FREM1: variants seen among roughly 807,000 people sequenced by gnomAD.
FREM1 encodes the protein FRAS1 related extracellular matrix 1.
A neutral mutation model predicts 210.1 loss-of-function variants in FREM1; 220 were observed. That is an observed-to-expected ratio of 1.05 (90% CI 0.94 to 1.17). FREM1 has a LOEUF of 1.17. FREM1 is among the 50% of genes most tolerant of loss of function. The pLI is 0.00. For synonymous variants in FREM1, 1,189 were observed against 980.2 expected, an observed-to-expected ratio of 1.21 and a Z score of -3.98; for missense variants, 3,454 against 2,675.5, an observed-to-expected ratio of 1.29 and a Z score of -6.42.
chr9:14,745,560 T>C (rs541846292), intron 35 of FREM1, among the ~76,000 whole-genome samples: 1 of 152,332 alleles, frequency 6.6e-6, no homozygotes, highest in East Asian at 1.9e-4. Context: ...TTTTTCTGAA[T>C]ATGGTTTGCT....
intron 24 of FREM1, among the ~76,000 whole-genome samples, chr9:14,777,759 T>C (rs1256518284): frequency 6.6e-6 from 1 of 152,178 alleles, no homozygotes; most frequent in Non-Finnish European, 1.5e-5. Context: ...CTTCAGGGTT[T>C]GAGCATTGAT....
intron 1 of FREM1, among the ~76,000 whole-genome samples, chr9:14,904,536 C>CTTTTTTTTTTTT (rs1554729250): frequency 1.3e-5 from 2 of 152,088 alleles, no homozygotes; most frequent in Non-Finnish European, 2.9e-5. Context: ...TTTCGCAGCA[C>CTTTTTTTTTTTT]TTTATTTTTT....
intron 35 of FREM1, 92 bp downstream of exon 35, chr9:14,746,261 G>C: frequency 1.1e-6 from 1 of 924,286 alleles, no homozygotes; most frequent in Middle Eastern, 2.4e-4. Flanking sequence ...CTCAATACTT[G>C]TTGAATGAAT....
chr9:14,854,150 T>C (rs1828287636), intron 5 of FREM1, among the ~76,000 whole-genome samples: 1 of 152,194 alleles, frequency 6.6e-6, no homozygotes, highest in African/African-American at 2.4e-5. Flanking sequence ...TAAGAATATT[T>C]TTAAGTTTAG....
At chr9:14,744,559 G>A (rs936367015) in intron 35 of FREM1, among the ~76,000 whole-genome samples, 2 of 151,882 alleles carry the variant, frequency 1.3e-5, no homozygotes, top group African/African-American at 2.4e-5. Flanking sequence ...ATTGTTGGAC[G>A]CTTCAGTATT....
rs767868154 is a variant in FREM1, at chr9:14,869,242, A to G, written c.-265T>C. On this transcript the variant is annotated splice_region_variant and 5_prime_UTR_variant, in exon 2 of 37. Coordinates refer to ENST00000380880, the MANE Select transcript of FREM1 (RefSeq NM_001379081.2). ...AATGGGCTTCCCAAGTGCTTTTCTA[A>G]TCCTGCAAATGGGAGAAGGGGTTGG... The G allele has an allele frequency of 9.8e-5, 37 of 376,738 alleles. No homozygotes were observed. The highest frequency in any genetic ancestry group is 1.5e-4 in the Non-Finnish European group (31 of 208,628). 23.3% of individuals were successfully genotyped at this position (376,738 alleles called of 1,614,324 possible).
Position 14,807,968 on chromosome 9 carries a change from T to C in FREM1, c.3060A>G (p.Val1020=). Residue 1020 remains valine, a synonymous_variant, in exon 17 of 37, where the codon GTA becomes GTG. Coordinates refer to ENST00000380880, the MANE Select transcript of FREM1 (RefSeq NM_001379081.2). The part of the protein sequence containing the change: ...VYDLNITVYP[V]DNQPPSIAIG... ...TTGCAATGGAAGGTGGCTGGTTGTC[T>C]ACTGGGTATACCGTGATGTTGAGAT... 6.2e-7 allele frequency: 1 copy of C among 1,613,652 alleles called. No homozygotes were observed. The highest frequency in any genetic ancestry group is 8.5e-7 in the Non-Finnish European group (1 of 1,179,656).
chr9:14,797,745 A>T (rs1384559589), intron 20 of FREM1, 103 bp from the exon 21 acceptor site: 34 of 981,054 alleles, frequency 3.5e-5, no homozygotes, highest in Non-Finnish European at 5.1e-5. Context: ...TATTAGCAAG[A>T]GTTCATTTAT....
At chr9:14,819,163 T>TA in intron 14 of FREM1, 71 bp downstream of exon 14, 1 of 1,100,078 alleles carries the variant, frequency 9.1e-7, no homozygotes, top group Non-Finnish European at 1.3e-6. Context: ...TTCTTTCTCT[T>TA]ACTCTGCCTC....
intron 1 of FREM1, among the ~76,000 whole-genome samples, chr9:14,885,600 T>C (rs968362794): frequency 1.3e-5 from 2 of 152,160 alleles, no homozygotes; most frequent in African/African-American, 4.8e-5. Context: ...TTTTTAATTT[T>C]CATAGGGATG....
intron 23 of FREM1, among the ~76,000 whole-genome samples, 173 bp downstream of exon 23, chr9:14,788,746 G>A (rs1850807420): frequency 6.6e-6 from 1 of 152,118 alleles, no homozygotes; most frequent in South Asian, 2.1e-4. Flanking sequence ...TAGGTCCCAG[G>A]CAAAGCAGGT....
chr9:14,894,440 C>T (rs144181931), intron 1 of FREM1, among the ~76,000 whole-genome samples: 1 of 152,288 alleles, frequency 6.6e-6, no homozygotes, highest in African/African-American at 2.4e-5. Context: ...AGCTATAGGA[C>T]TTTGACAGGT....
At chr9:14,738,966 C>T (rs934101179) in intron 36 of FREM1, among the ~76,000 whole-genome samples, 8 of 138,722 alleles carry the variant, frequency 5.8e-5, no homozygotes, top group African/African-American at 2.2e-4. Context: ...GCCAAGATTG[C>T]ACCACTCTAC....
At chr9:14,805,849 T>C (rs2133390673) in intron 18 of FREM1, among the ~76,000 whole-genome samples, 1 of 152,350 alleles carries the variant, frequency 6.6e-6, no homozygotes, top group East Asian at 1.9e-4. Flanking sequence ...TGTTTTTGCC[T>C]GAAATACAAG....
chr9:14,826,835 C>G (rs935101600), intron 10 of FREM1, among the ~76,000 whole-genome samples: 1 of 152,202 alleles, frequency 6.6e-6, no homozygotes, highest in Non-Finnish European at 1.5e-5. Flanking sequence ...CTGGAGTATA[C>G]AGCAACGAGG....
chr9:14,739,077 A>C (rs1287736326), intron 36 of FREM1, among the ~76,000 whole-genome samples: 1 of 150,962 alleles, frequency 6.6e-6, no homozygotes, highest in Non-Finnish European at 1.5e-5. Flanking sequence ...TTCAGAAAAG[A>C]GGGAATAAAA....
intron 27 of FREM1, among the ~76,000 whole-genome samples, chr9:14,767,166 G>T (rs148631068): frequency 6.6e-6 from 1 of 152,256 alleles, no homozygotes; most frequent in African/African-American, 2.4e-5. Context: ...CTAGCTCCAA[G>T]TTCGGTGGTT....
chr9:14,802,426 T>C (rs1389573332), intron 19 of FREM1, among the ~76,000 whole-genome samples: 1 of 152,212 alleles, frequency 6.6e-6, no homozygotes, highest in Non-Finnish European at 1.5e-5. Context: ...TGCCAAAGGA[T>C]GCTACTGGAT....
chr9:14,801,725 C>T lies in FREM1; in HGVS notation c.3621G>A (p.Glu1207=), dbSNP rs1392512432. Reference sequence around the variant, plus strand: ...GGTGAGGGTTGGCTGGCTGCTTATTCTCAGAGAAGTCTTTGCTAAACCCCC... The same window carrying T: ...GGTGAGGGTTGGCTGGCTGCTTATTTTCAGAGAAGTCTTTGCTAAACCCCC... The part of the protein sequence containing the change: ...IDRGFSKDFS[E]NKQPANPHQK... Residue 1207 remains glutamate (E), a synonymous_variant, in exon 20 of 37, where the codon GAG becomes GAA. Coordinates refer to ENST00000380880, the MANE Select transcript of FREM1 (RefSeq NM_001379081.2). 6.2e-7 allele frequency: 1 copy of T among 1,613,970 alleles called. No homozygotes were observed. Among genetic ancestry groups the T allele is most frequent in the African/African-American group, 1.3e-5 (1 of 75,034 alleles).
Sources: allele counts gnomAD v4.1 joint callset (sites outside exome capture counted in the v4.1 genomes callset), GRCh38; gene constraint gnomAD v4.1.1; transcripts MANE v1.5; gene names NCBI Gene and HGNC (gene_info 2026-07-23, HGNC 2026-07-21).